Variants in CLNK observed in about 807,000 individuals in gnomAD.
CLNK encodes cytokine-dependent hematopoietic cell linker.
CLNK carries 74 observed loss-of-function variants against 68.6 expected under a neutral mutation model. The ratio of observed to expected loss-of-function variants is 1.08; its 90% CI spans 0.89 to 1.31. CLNK has a LOEUF of 1.31. CLNK is among the 50% of genes most tolerant of loss of function. CLNK has a pLI of 0.00. For missense variants in CLNK, 553 were observed against 515.3 expected (o/e 1.07, Z -0.71); for synonymous variants, 198 against 172.2 (o/e 1.15, Z -1.17).
intron 2 of CLNK, among the ~76,000 whole-genome samples, chr4:10,605,516 G>A (rs1238168355): frequency 5.3e-5 from 8 of 152,010 alleles, no homozygotes; most frequent in Admixed American, 5.2e-4. Flanking sequence ...GTAAAAATAA[G>A]TTAAAAAAAG....
At chr4:10,534,857 A>G (rs187435587) in intron 11 of CLNK, among the ~76,000 whole-genome samples, 115 of 152,294 alleles carry the variant, frequency 7.6e-4, no homozygotes, top group Non-Finnish European at 1.4e-3. Context: ...AATAATAATG[A>G]TGTTTATACT....
At chr4:10,572,537 A>G (rs1320795026) in intron 4 of CLNK, among the ~76,000 whole-genome samples, 1 of 152,246 alleles carries the variant, frequency 6.6e-6, no homozygotes, top group Non-Finnish European at 1.5e-5. Flanking sequence ...TCCTGCTATT[A>G]GCCTGCATCA....
chr4:10,543,316 A>C (rs1719109078), intron 8 of CLNK, among the ~76,000 whole-genome samples: 3 of 152,182 alleles, frequency 2.0e-5, no homozygotes, highest in Admixed American at 2.0e-4. Context: ...TGGTGTAATA[A>C]ATGCTATTTT....
intron 4 of CLNK, among the ~76,000 whole-genome samples, chr4:10,572,431 T>C (rs1720390342): frequency 6.6e-6 from 1 of 152,206 alleles, no homozygotes; most frequent in Non-Finnish European, 1.5e-5. Context: ...GCCCACTCAG[T>C]ATTCTATGTT....
At chr4:10,723,919 A>AGAGAGAGAGAG in the CLNK span, among the ~76,000 whole-genome samples, 27 of 148,082 alleles carry the variant, frequency 1.8e-4, no homozygotes, top group South Asian at 4.4e-4. Context: ...AGAGAGAGAG[A>AGAGAGAGAGAG]AGGCAGGGCA....
At position 10,501,328 on chromosome 4, in the gene CLNK, G is replaced by C. The variant is rs1328583812; in HGVS notation, c.1068C>G (p.Val356=). 1.2e-6 allele frequency: 2 copies of C among 1,609,574 alleles called. No homozygotes were observed. Among genetic ancestry groups the C allele is most frequent in the Non-Finnish European group, 1.7e-6 (2 of 1,178,460 alleles). Residue 356 remains valine (V), a synonymous_variant, in exon 18 of 19, where the codon GTC becomes GTG. Coordinates refer to ENST00000226951, the MANE Select transcript of CLNK (RefSeq NM_052964.4). ...CCAGGAAGCGTATTTTTACATTGTA[G>C]ACTTTGTTCTCATAAAACACAGCCA... ...YVLAVFYENK[V]YNVKIRFLER...
chr4:10,588,197 T>C (rs1311917914), intron 3 of CLNK, among the ~76,000 whole-genome samples: 2 of 152,226 alleles, frequency 1.3e-5, no homozygotes, highest in Non-Finnish European at 2.9e-5. Flanking sequence ...GCAGGCGGCA[T>C]GCAAATCTGA....
chr4:10,614,194 C>A (rs950227940), intron 2 of CLNK, among the ~76,000 whole-genome samples: 5 of 152,232 alleles, frequency 3.3e-5, no homozygotes, highest in African/African-American at 1.2e-4. Context: ...GAGATGTCTG[C>A]ATGGAGCCTG....
chr4:10,558,487 G>C (rs781427556), intron 7 of CLNK, 35 bp from the exon 8 acceptor site: 23 of 1,597,120 alleles, frequency 1.4e-5, no homozygotes, highest in Non-Finnish European at 1.9e-5. Flanking sequence ...TATCTCTTCA[G>C]TTGTGACTAT....
At chr4:10,596,605 C>T (rs967004753) in intron 3 of CLNK, among the ~76,000 whole-genome samples, 1 of 151,972 alleles carries the variant, frequency 6.6e-6, no homozygotes, top group African/African-American at 2.4e-5. Context: ...TTATATATCT[C>T]AAATAGTTTA....
chr4:10,716,702 T>TTTTTTTA, the CLNK span, among the ~76,000 whole-genome samples: 1 of 146,950 alleles, frequency 6.8e-6, no homozygotes. Flanking sequence ...TTTTTTTTTT[T>TTTTTTTA]AATTTTTGGA....
At chr4:10,606,167 C>T (rs974053241) in intron 2 of CLNK, among the ~76,000 whole-genome samples, 1 of 152,166 alleles carries the variant, frequency 6.6e-6, no homozygotes, top group Non-Finnish European at 1.5e-5. Flanking sequence ...TATACTTATT[C>T]TGTAAACATT....
At chr4:10,543,393 G>C (rs1719111973) in intron 8 of CLNK, among the ~76,000 whole-genome samples, 1 of 152,184 alleles carries the variant, frequency 6.6e-6, no homozygotes, top group Admixed American at 6.5e-5. Context: ...AACCTCCACT[G>C]AACACCGGCT....
the CLNK span, among the ~76,000 whole-genome samples, chr4:10,698,042 G>A: frequency 6.6e-6 from 1 of 152,164 alleles, no homozygotes; most frequent in Non-Finnish European, 1.5e-5. Context: ...GTAGGTATGT[G>A]GGGGTAAAAG....
chr4:10,638,014 G>C (rs1210674721), intron 2 of CLNK, among the ~76,000 whole-genome samples: 1 of 152,118 alleles, frequency 6.6e-6, no homozygotes, highest in Non-Finnish European at 1.5e-5. Flanking sequence ...GGGTCATCTA[G>C]TTTAATTGTC....
At chr4:10,603,224 G>T (rs1721658395) in intron 2 of CLNK, among the ~76,000 whole-genome samples, 1 of 152,098 alleles carries the variant, frequency 6.6e-6, no homozygotes. Flanking sequence ...CACTAAAATT[G>T]CTCTTAAGCC....
At position 10,540,502 on chromosome 4, in the gene CLNK, T is replaced by C; in HGVS notation, c.594A>G (p.Arg198=). The C allele has an allele frequency of 6.2e-7, 1 of 1,610,418 alleles. No homozygotes were observed. Among genetic ancestry groups the C allele is most frequent in the Non-Finnish European group, 8.5e-7 (1 of 1,176,692 alleles). The part of the protein sequence containing the change: ...SQRHTFPEVQ[R]MPSQISLRDL... The stretch of plus-strand genomic sequence containing the variant: ...GATGATGAATCTCTCACCTGGGCAT[T>C]CTCTGGACTTCTGGAAAGGTGTGTC... The change falls in exon 11 of 19, where the codon AGA becomes AGG. Residue 198 remains arginine (R), a synonymous_variant. Transcript: ENST00000226951.
chr4:10,670,891 A>T (rs61796844), intron 1 of CLNK, among the ~76,000 whole-genome samples: 20,081 of 152,270 alleles, frequency 0.13, 1,538 homozygotes, highest in South Asian at 0.17. Context: ...GCAAGGGATC[A>T]GGGAGGAATC....
At chr4:10,652,381 C>CAA (rs67304153) in intron 2 of CLNK, among the ~76,000 whole-genome samples, 12,489 of 49,296 alleles carry the variant, frequency 0.25, 2,218 homozygotes, top group Non-Finnish European at 0.3. Context: ...GACTCTGTCT[C>CAA]AAAAAAAAAA....
Sources: gnomAD v4.1 joint callset for allele counts (sites outside exome capture counted in the v4.1 genomes callset) on GRCh38, gnomAD v4.1.1 for gene constraint, MANE v1.5 for transcripts, NCBI Gene and HGNC (gene_info 2026-07-23, HGNC 2026-07-21) for gene names.